The following ERBB4 variants were observed in gnomAD, a reference collection of about 807,000 sequenced individuals.
The protein encoded by ERBB4 is receptor tyrosine-protein kinase erbB-4.
Under a neutral mutation model 158.0 loss-of-function variants are expected in ERBB4, and 42 were observed. The ratio of observed to expected loss-of-function variants is 0.27; its 90% CI spans 0.21 to 0.34. ERBB4 has a LOEUF of 0.34. ERBB4 is among the 10% of genes least tolerant of loss of function. The probability of loss-of-function intolerance (pLI) is 1.00; values close to 1 mark genes in which losing one functional copy is unlikely to be tolerated. For missense variants in ERBB4, 1,333 were observed against 1,624.1 expected (o/e 0.82, Z 3.08); for synonymous variants, 583 against 558.7 (o/e 1.04, Z -0.61).
At chr2:211,885,905 G>C (rs1356236027) in intron 3 of ERBB4, among the ~76,000 whole-genome samples, 1 of 152,104 alleles carries the variant, frequency 6.6e-6, no homozygotes, top group Non-Finnish European at 1.5e-5. Flanking sequence ...TCAGTATTTA[G>C]AGAAAGTTAA....
At chr2:212,238,402 T>C (rs62182611) in intron 1 of ERBB4, among the ~76,000 whole-genome samples, 23,424 of 152,126 alleles carry the variant, frequency 0.15, 2,220 homozygotes, top group Non-Finnish European at 0.2. Flanking sequence ...TTCACTGGGC[T>C]GCAACCACTG....
chr2:212,233,375 T>A (rs2083734393), intron 1 of ERBB4, among the ~76,000 whole-genome samples: 1 of 152,282 alleles, frequency 6.6e-6, no homozygotes, highest in East Asian at 1.9e-4. Context: ...ATTTGAAAGC[T>A]TTCCTATAAC....
intron 20 of ERBB4, among the ~76,000 whole-genome samples, chr2:211,540,521 G>T (rs2066774447): frequency 6.6e-6 from 1 of 151,410 alleles, no homozygotes; most frequent in Non-Finnish European, 1.5e-5. Flanking sequence ...TTTTTGTTTT[G>T]TTTTGTTTTT....
intron 4 of ERBB4, among the ~76,000 whole-genome samples, chr2:211,787,408 C>A (rs112762387): frequency 3.3e-5 from 5 of 152,094 alleles, no homozygotes; most frequent in African/African-American, 1.2e-4. Flanking sequence ...CTGATAAATT[C>A]TTTGTGGTAG....
chr2:211,634,727 G>A (rs1017499901), intron 16 of ERBB4, among the ~76,000 whole-genome samples: 1 of 152,046 alleles, frequency 6.6e-6, no homozygotes, highest in African/African-American at 2.4e-5. Context: ...GCCCAGGCTG[G>A]AGTGCAGTGG....
At chr2:212,089,109 G>T (rs1302109530) in intron 2 of ERBB4, among the ~76,000 whole-genome samples, 1 of 152,060 alleles carries the variant, frequency 6.6e-6, no homozygotes, top group Non-Finnish European at 1.5e-5. Context: ...AAAGCAAATA[G>T]AAAAATACAT....
chr2:211,741,570 G>T (rs999730083), intron 5 of ERBB4, among the ~76,000 whole-genome samples: 2 of 151,636 alleles, frequency 1.3e-5, no homozygotes, highest in Non-Finnish European at 2.9e-5. Context: ...TTAGAGGTGG[G>T]ACCAAATCTC....
intron 20 of ERBB4, among the ~76,000 whole-genome samples, chr2:211,522,293 C>A (rs897314076): frequency 6.6e-6 from 1 of 152,018 alleles, no homozygotes; most frequent in Non-Finnish European, 1.5e-5. Flanking sequence ...TTGAAGGGTT[C>A]AAGATTTCAA....
chr2:211,994,642 A>C (rs1430057003), intron 2 of ERBB4, among the ~76,000 whole-genome samples: 1 of 152,154 alleles, frequency 6.6e-6, no homozygotes, highest in Non-Finnish European at 1.5e-5. Context: ...TATTCCAGAC[A>C]ATATTTCTGA....
chr2:211,497,017 T>C (rs551723236), intron 20 of ERBB4, among the ~76,000 whole-genome samples: 7 of 152,280 alleles, frequency 4.6e-5, no homozygotes, highest in African/African-American at 1.4e-4. Context: ...TTGTCTGCTG[T>C]GTACCCCCAG....
chr2:211,905,509 A>T (rs542787795), intron 3 of ERBB4, among the ~76,000 whole-genome samples: 48 of 151,764 alleles, frequency 3.2e-4, no homozygotes, highest in African/African-American at 1.1e-3. Context: ...TTTGACTACC[A>T]TCTACCTCTC....
intron 1 of ERBB4, among the ~76,000 whole-genome samples, chr2:212,183,423 A>C (rs936870491): frequency 7.2e-5 from 11 of 152,024 alleles, no homozygotes; most frequent in African/African-American, 2.7e-4. Context: ...TGATTTTCAA[A>C]CAATAGCAAT....
intron 2 of ERBB4, among the ~76,000 whole-genome samples, chr2:212,060,126 A>T (rs556345906): frequency 6.6e-6 from 1 of 152,342 alleles, no homozygotes; most frequent in African/African-American, 2.4e-5. Context: ...AAAACGAACA[A>T]TTCCATCAAA....
chr2:211,583,899 T>G (rs2068183239), intron 19 of ERBB4, among the ~76,000 whole-genome samples: 1 of 151,306 alleles, frequency 6.6e-6, no homozygotes, highest in South Asian at 2.1e-4. Flanking sequence ...CTTTGCCCTA[T>G]AGGTTTCCTT....
intron 19 of ERBB4, among the ~76,000 whole-genome samples, chr2:211,570,100 A>C (rs1487526854): frequency 6.6e-6 from 1 of 151,504 alleles, no homozygotes; most frequent in African/African-American, 2.4e-5. Flanking sequence ...TTGATCCTCC[A>C]AAAATTACTC....
At chr2:212,230,624 TA>T (rs2083630336) in intron 1 of ERBB4, among the ~76,000 whole-genome samples, 1 of 152,194 alleles carries the variant, frequency 6.6e-6, no homozygotes, top group East Asian at 1.9e-4. Flanking sequence ...TTCCCCTACT[TA>T]AATGTATGAC....
chr2:211,422,624 C>T (rs2063538264), intron 23 of ERBB4, among the ~76,000 whole-genome samples: 1 of 151,652 alleles, frequency 6.6e-6, no homozygotes, highest in Non-Finnish European at 1.5e-5. Context: ...TCTTATTTAG[C>T]TGGGAGTCTA....
chr2:212,133,523 T>C lies in ERBB4; in HGVS notation c.83-8620A>G, dbSNP rs188040108. ...ATGCAAGCCTCATAAGAGAGGCCTTTGCTCAGCACCTCGGAAAGCAGGCAT... is the reference window on the plus strand; with the variant it reads ...ATGCAAGCCTCATAAGAGAGGCCTTCGCTCAGCACCTCGGAAAGCAGGCAT... On this transcript the variant is annotated intron_variant, in intron 1 of 27. Coordinates refer to ENST00000342788, the MANE Select transcript of ERBB4 (RefSeq NM_005235.3). Among the ~76,000 whole-genome samples the C allele has an allele frequency of 2.6e-5, 4 of 151,978 alleles. No individual in the cohort carries two copies. The East Asian group carries it at 5.8e-4, about 22-fold the overall frequency.
intron 1 of ERBB4, among the ~76,000 whole-genome samples, chr2:212,282,556 C>T (rs964510468): frequency 1.3e-5 from 2 of 151,608 alleles, no homozygotes; most frequent in African/African-American, 4.8e-5. Flanking sequence ...CATTTCAAGG[C>T]CAATAAGGAC....
Sources: gnomAD v4.1 joint callset for allele counts (sites outside exome capture counted in the v4.1 genomes callset) on GRCh38, gnomAD v4.1.1 for gene constraint, MANE v1.5 for transcripts, NCBI Gene and HGNC (gene_info 2026-07-23, HGNC 2026-07-21) for gene names.